The following METTL3 variants were observed in gnomAD, a reference collection of about 807,000 sequenced individuals.
The protein encoded by METTL3 is N(6)-adenosine-methyltransferase catalytic subunit METTL3.
A neutral mutation model predicts 64.3 loss-of-function variants in METTL3; 42 were observed. The observed-to-expected ratio is 0.65, with a 90% CI of 0.51 to 0.84. The LOEUF is 0.84. Ranked by LOEUF, METTL3 falls within the 40% of genes least tolerant of loss-of-function variation. METTL3 has a pLI of 0.00. For synonymous variants in METTL3, 256 were observed against 263.6 expected (o/e 0.97, Z 0.28); for missense variants, 435 against 722.3 (o/e 0.60, Z 4.56).
rs1390142311 is a variant in METTL3, at chr14:21,503,681, A to G, written c.301T>C (p.Cys101Arg). The change falls in exon 2 of 11, where the codon TGT becomes CGT. Residue 101 changes from cysteine to arginine, a missense_variant. Physicochemically the swap from Cys to Arg is radical, Grantham distance 180. Around this residue, in one of 9 missense-constraint regions of METTL3, gnomAD observed 228 missense variants for 279.6 expected, o/e 0.82. Coordinates refer to ENST00000298717, the MANE Select transcript of METTL3 (RefSeq NM_019852.5). ...GTCATTACCGTGGAGATGGCAAGAC[A>G]GATGGACACAGCATCAGTGGGCAAT... ...LTLPTDAVSI[C>R]LAISTPDAPA... 1 of 1,614,274 alleles carries G rather than the reference A, an allele frequency of 6.2e-7. No homozygotes were observed. The highest frequency in any genetic ancestry group is 2.2e-5 in the East Asian group (1 of 44,892).
At position 21,511,197 on chromosome 14, in the gene METTL3, C is replaced by T; in HGVS notation, c.27G>A (p.Gln9=). 6.2e-7 allele frequency: 1 copy of T among 1,613,990 alleles called. No individual in the cohort carries two copies. ...GAGAGTCCAGCTGCTTCTTGTGGGC[C>T]TGGATAGAGCTCCACGTGTCCGACA... The part of the protein sequence containing the change: MSDTWSSI[Q]AHKKQLDSLR... Residue 9 remains glutamine, a synonymous_variant, in exon 1 of 11, where the codon CAG becomes CAA. Transcript: ENST00000298717.
At chr14:21,510,193 T>C (rs1891799182) in intron 1 of METTL3, among the ~76,000 whole-genome samples, 1 of 152,214 alleles carries the variant, frequency 6.6e-6, no homozygotes, top group African/African-American at 2.4e-5. Flanking sequence ...GGCAATTTCT[T>C]CCTTATTTTT....
intron 3 of METTL3, 33 bp from the exon 4 acceptor site, chr14:21,501,936 C>A: frequency 6.3e-7 from 1 of 1,599,074 alleles, no homozygotes; most frequent in South Asian, 1.1e-5. Flanking sequence ...CTTAAAATGT[C>A]TTATAGATCA....
intron 1 of METTL3, among the ~76,000 whole-genome samples, chr14:21,506,329 A>G (rs1022817014): frequency 2.0e-5 from 3 of 151,848 alleles, no homozygotes; most frequent in Non-Finnish European, 4.4e-5. Context: ...AGAGGCGGGC[A>G]GATCACGAGG....
chr14:21,503,589 G>C lies in METTL3; in HGVS notation c.319-12C>G, dbSNP rs1420317776. On this transcript the variant is annotated splice_polypyrimidine_tract_variant and intron_variant, in intron 2 of 10. Transcript: ENST00000298717. ...GCAGGAGCATCTGGCTAGAGAACGA[G>C]GGGAGGTATGGGCAATAAGACACTG... is the stretch of plus-strand genomic sequence containing the variant. 1 of 1,612,820 alleles carries C rather than the reference G, an allele frequency of 6.2e-7. No homozygotes were observed. Among genetic ancestry groups the C allele is most frequent in the Non-Finnish European group, 8.5e-7 (1 of 1,179,324 alleles).
chr14:21,499,462 C>T (rs1170663373), intron 8 of METTL3, 30 bp downstream of exon 8: 1 of 1,608,118 alleles, frequency 6.2e-7, no homozygotes, highest in Non-Finnish European at 8.5e-7. Context: ...TTGTGCTCCA[C>T]CTATTGAATT....
chr14:21,499,838 C>T (rs374395863), intron 6 of METTL3, 36 bp from the exon 7 acceptor site: 159 of 1,602,598 alleles, frequency 9.9e-5, no homozygotes, highest in Non-Finnish European at 1.3e-4. Context: ...ATTTGTATGC[C>T]CATATTTTTT....
chr14:21,501,620 A>G (rs1891569630), intron 4 of METTL3, 108 bp downstream of exon 4: 2 of 1,429,392 alleles, frequency 1.4e-6, no homozygotes, highest in South Asian at 1.2e-5. Flanking sequence ...TACACAAACC[A>G]TAAACTAAAT....
chr14:21,510,261 A>G (rs568926999), intron 1 of METTL3, among the ~76,000 whole-genome samples: 1 of 152,330 alleles, frequency 6.6e-6, no homozygotes, highest in East Asian at 1.9e-4. Flanking sequence ...ATTAGGTGGG[A>G]GGATCCTGCC....
intron 9 of METTL3, 49 bp from the exon 10 acceptor site, chr14:21,499,186 C>A (rs551154247): frequency 1.1e-5 from 18 of 1,581,112 alleles, no homozygotes; most frequent in Non-Finnish European, 1.5e-5. Context: ...GATTGCAATT[C>A]TAGCCCTTTC....
intron 1 of METTL3, chr14:21,504,188 T>A (rs964242585): frequency 6.2e-6 from 2 of 320,748 alleles, no homozygotes; most frequent in Non-Finnish European, 1.2e-5. Flanking sequence ...CCCTACCACC[T>A]TTCTATCAAC....
intron 1 of METTL3, chr14:21,504,083 A>G: frequency 3.5e-6 from 2 of 572,084 alleles, no homozygotes; most frequent in East Asian, 5.9e-5. Context: ...TGGATTTTCT[A>G]TCTACCTTTT....
At chr14:21,500,167 G>T (rs944925708) in intron 6 of METTL3, among the ~76,000 whole-genome samples, 1 of 152,090 alleles carries the variant, frequency 6.6e-6, no homozygotes, top group Non-Finnish European at 1.5e-5. Context: ...AGACCATCCT[G>T]GCTAACATGG....
chr14:21,506,516 T>C (rs184030539), intron 1 of METTL3, among the ~76,000 whole-genome samples: 1 of 152,228 alleles, frequency 6.6e-6, no homozygotes, highest in Non-Finnish European at 1.5e-5. Context: ...ATCGCGCTAC[T>C]GCACTCCAGC....
intron 1 of METTL3, chr14:21,510,421 G>C (rs920511752): frequency 2.0e-5 from 3 of 152,218 alleles, no homozygotes; most frequent in African/African-American, 7.2e-5. Context: ...GCAGAGCTTT[G>C]TTACTAGTTT....
In METTL3 at chr14:21,511,279, C is replaced by G. The variant is rs912222726; in HGVS notation, c.-56G>C. 22 of 1,576,092 alleles carry G rather than the reference C, an allele frequency of 1.4e-5. No individual in the cohort carries two copies. The highest frequency in any genetic ancestry group is 1.9e-5 in the Non-Finnish European group (22 of 1,161,378). On this transcript the variant is annotated 5_prime_UTR_variant, in exon 1 of 11. Coordinates refer to ENST00000298717, the MANE Select transcript of METTL3 (RefSeq NM_019852.5). ...TAAGGCGCGGCGGACTAGCACCTCCCAGCACTCGCTCCAGGATATAGCCAA... is the reference window on the plus strand; with the variant it reads ...TAAGGCGCGGCGGACTAGCACCTCCGAGCACTCGCTCCAGGATATAGCCAA...
Position 21,503,296 on chromosome 14 carries a change from A to G in METTL3, c.600T>C (p.Ser200=), listed in dbSNP as rs1391249128. 1 of 1,614,048 alleles carries G rather than the reference A, an allele frequency of 6.2e-7. No homozygotes were observed. Among genetic ancestry groups the G allele is most frequent in the Non-Finnish European group, 8.5e-7 (1 of 1,180,034 alleles). Residue 200 remains serine, a synonymous_variant, in exon 3 of 11, where the codon TCT becomes TCC. Transcript: ENST00000298717. ...FASSLVSGLN[S]SASEPAKEPA... is the part of the protein sequence containing the mutation. The stretch of plus-strand genomic sequence containing the variant: ...GCTCCTTTGCTGGTTCCGATGCTGA[A>G]GAGTTCAGACCAGAGACTAACGAAC...
At chr14:21,503,123 A>AT in intron 3 of METTL3, 50 bp downstream of exon 3, 1 of 1,544,594 alleles carries the variant, frequency 6.5e-7, no homozygotes, top group Non-Finnish European at 8.7e-7. Flanking sequence ...CCTGTCAAAC[A>AT]AAGCTATAAT....
chr14:21,510,188 TTTC>T (rs1286904393), intron 1 of METTL3, among the ~76,000 whole-genome samples: 1 of 152,204 alleles, frequency 6.6e-6, no homozygotes, highest in Non-Finnish European at 1.5e-5. Context: ...ACAGGGGCAA[TTTC>T]TTCCTTATTT....
Sources: gnomAD v4.1 joint callset for allele counts (sites outside exome capture counted in the v4.1 genomes callset) on GRCh38, gnomAD v4.1.1 for gene constraint, gnomAD v4.1.1 regional missense constraint, MANE v1.5 for transcripts, NCBI Gene and HGNC (gene_info 2026-07-23, HGNC 2026-07-21) for gene names.